ARHGAP18: variants seen among roughly 807,000 people sequenced by gnomAD.
ARHGAP18 encodes the protein rho GTPase-activating protein 18.
Under a neutral mutation model 86.2 loss-of-function variants are expected in ARHGAP18, and 67 were observed. The observed-to-expected ratio is 0.78, with a 90% CI of 0.64 to 0.95. ARHGAP18 has a LOEUF of 0.95. ARHGAP18 is among the 40% of genes least tolerant of loss of function. ARHGAP18 has a pLI of 0.00. For synonymous variants in ARHGAP18, 283 were observed against 280.4 expected, an observed-to-expected ratio of 1.01 and a Z score of -0.09; for missense variants, 691 against 780.4, an observed-to-expected ratio of 0.89 and a Z score of 1.37.
At chr6:129,639,645 T>C (rs1773404576) in intron 2 of ARHGAP18, among the ~76,000 whole-genome samples, 1 of 152,154 alleles carries the variant, frequency 6.6e-6, no homozygotes, top group Non-Finnish European at 1.5e-5. Context: ...TATATAAACT[T>C]CTTGACGGCA....
chr6:129,676,334 G>T (rs185262213), intron 1 of ARHGAP18, among the ~76,000 whole-genome samples: 4 of 152,264 alleles, frequency 2.6e-5, no homozygotes, highest in East Asian at 3.9e-4. Flanking sequence ...GTTGCAGAGG[G>T]GGGGCAACAG....
At position 129,634,068 on chromosome 6, in the gene ARHGAP18, T is replaced by C; in HGVS notation, c.590A>G (p.Asn197Ser). 1 of 1,613,164 alleles carries C rather than the reference T, an allele frequency of 6.2e-7. No individual in the cohort carries two copies. Among genetic ancestry groups the C allele is most frequent in the Non-Finnish European group, 8.5e-7 (1 of 1,179,780 alleles). Residue 197 changes from asparagine to serine, a missense_variant, in exon 4 of 15, where the codon AAT becomes AGT. Coordinates refer to ENST00000368149, the MANE Select transcript of ARHGAP18 (RefSeq NM_033515.3). ...ATCTCTTCCTTGGTATTTGTTTTCATTTGTTCTAAGTGACTGCGATTCAGT... is the reference window on the plus strand; with the variant it reads ...ATCTCTTCCTTGGTATTTGTTTTCACTTGTTCTAAGTGACTGCGATTCAGT... ...GGTESQSLRT[N>S]ENKYQGRDDE... is the part of the protein sequence containing the mutation.
intron 1 of ARHGAP18, among the ~76,000 whole-genome samples, chr6:129,688,816 A>C (rs997066010): frequency 1.3e-5 from 2 of 152,050 alleles, no homozygotes; most frequent in African/African-American, 4.8e-5. Context: ...ATGCCTTATC[A>C]TTGGTAGCTA....
At chr6:129,647,085 C>G (rs531797975) in intron 1 of ARHGAP18, among the ~76,000 whole-genome samples, 17 of 152,138 alleles carry the variant, frequency 1.1e-4, no homozygotes, top group African/African-American at 3.6e-4. Flanking sequence ...GGGACTTATT[C>G]CAATATATCC....
chr6:129,649,441 C>T (rs777217722), intron 1 of ARHGAP18, among the ~76,000 whole-genome samples: 1 of 150,718 alleles, frequency 6.6e-6, no homozygotes, highest in South Asian at 2.1e-4. Flanking sequence ...GTAGTCCCAG[C>T]TACTCTGGAG....
intron 12 of ARHGAP18, among the ~76,000 whole-genome samples, chr6:129,591,172 A>G (rs905281030): frequency 2.6e-5 from 4 of 152,226 alleles, no homozygotes; most frequent in African/African-American, 9.6e-5. Context: ...TACTAATTAC[A>G]TTGAGTTGCC....
intron 1 of ARHGAP18, among the ~76,000 whole-genome samples, chr6:129,695,382 T>TG (rs11415058): frequency 0.22 from 34,046 of 152,082 alleles, 4,103 homozygotes; most frequent in East Asian, 0.31. Flanking sequence ...CACACAATTT[T>TG]GAAACAGGGA....
intron 1 of ARHGAP18, among the ~76,000 whole-genome samples, chr6:129,668,378 A>ACT (rs554029345): frequency 3.3e-5 from 5 of 149,908 alleles, no homozygotes; most frequent in Non-Finnish European, 7.4e-5. Flanking sequence ...ACACACACAC[A>ACT]CACACACACA....
chr6:129,685,307 G>C (rs762178418), intron 1 of ARHGAP18, among the ~76,000 whole-genome samples: 1 of 152,132 alleles, frequency 6.6e-6, no homozygotes, highest in Non-Finnish European at 1.5e-5. Flanking sequence ...AAGAGTTCAA[G>C]ACCAGCCTGG....
At chr6:129,625,142 TTATATATTATATAG>T (rs1218488315) in intron 5 of ARHGAP18, among the ~76,000 whole-genome samples, 43 of 2,538 alleles carry the variant, frequency 0.017, 1 homozygote, top group East Asian at 0.081. Flanking sequence ...ATGATATATA[TTATATATTATATAG>T]ATATATATTA....
chr6:129,669,338 ATTT>A (rs541130530), intron 1 of ARHGAP18, among the ~76,000 whole-genome samples: 1 of 151,782 alleles, frequency 6.6e-6, no homozygotes, highest in Non-Finnish European at 1.5e-5. Flanking sequence ...TGCCAGGCTA[ATTT>A]TTTTGTATTT....
intron 2 of ARHGAP18, among the ~76,000 whole-genome samples, chr6:129,640,276 T>G (rs1263614991): frequency 6.6e-6 from 1 of 152,166 alleles, no homozygotes; most frequent in Admixed American, 6.5e-5. Flanking sequence ...TAGAAAACAT[T>G]CCCAATCTTC....
chr6:129,627,249 T>C (rs1789498726), intron 5 of ARHGAP18, among the ~76,000 whole-genome samples: 1 of 152,064 alleles, frequency 6.6e-6, no homozygotes, highest in Non-Finnish European at 1.5e-5. Context: ...AAAGTAAAAA[T>C]GACCACTTTC....
At chr6:129,606,774 C>T (rs77836532) in intron 9 of ARHGAP18, among the ~76,000 whole-genome samples, 3,378 of 152,086 alleles carry the variant, frequency 0.022, 97 homozygotes, top group African/African-American at 0.072. Context: ...TGTCATGATA[C>T]GAGATGACTC....
At chr6:129,692,696 G>C (rs1217764801) in intron 1 of ARHGAP18, among the ~76,000 whole-genome samples, 1 of 152,146 alleles carries the variant, frequency 6.6e-6, no homozygotes, top group African/African-American at 2.4e-5. Context: ...GGGACACCTT[G>C]GCCTGGAAAT....
chr6:129,673,438 C>G lies in ARHGAP18; in HGVS notation c.114-31420G>C, dbSNP rs184542839. The stretch of plus-strand genomic sequence containing the variant: ...GTTGTACAGCATTTTGGTTTCAAAC[C>G]AGGTTTATTTTAAAAGTGTTTTTTC... On this transcript the variant is annotated intron_variant, in intron 1 of 14. Transcript: ENST00000368149. Among the ~76,000 whole-genome samples, 426 of 151,654 alleles carry G rather than the reference C, an allele frequency of 2.8e-3. 4 individuals carry two copies. The highest frequency in any genetic ancestry group is 9.8e-3 in the African/African-American group (407 of 41,372).
intron 1 of ARHGAP18, among the ~76,000 whole-genome samples, chr6:129,669,194 C>G (rs865889055): frequency 6.7e-6 from 1 of 149,752 alleles, no homozygotes; most frequent in Non-Finnish European, 1.5e-5. Context: ...TTTCTTGAGA[C>G]GGAGTCTCGC....
At position 129,594,726 on chromosome 6, in the gene ARHGAP18, T is replaced by G. The variant is rs139823955; in HGVS notation, c.1713+4490A>C. Among the ~76,000 whole-genome samples the G allele has an allele frequency of 5.6e-3, 860 of 152,290 alleles. 10 individuals are homozygous for G. Among genetic ancestry groups the G allele is most frequent in the African/African-American group, 0.02 (814 of 41,564 alleles). ...CAAGTCATTCTAGATTCCCTTCTTCTTCCACATTCTTCACATCCAACCAGT... is the reference window on the plus strand; with the variant it reads ...CAAGTCATTCTAGATTCCCTTCTTCGTCCACATTCTTCACATCCAACCAGT... On this transcript the variant is annotated intron_variant, in intron 12 of 14. Coordinates refer to ENST00000368149, the MANE Select transcript of ARHGAP18 (RefSeq NM_033515.3).
At position 129,609,943 on chromosome 6, in the gene ARHGAP18, A is replaced by G. The variant is rs536864372; in HGVS notation, c.1122+1590T>C. On this transcript the variant is annotated intron_variant, in intron 8 of 14. Coordinates refer to ENST00000368149, the MANE Select transcript of ARHGAP18 (RefSeq NM_033515.3). ...AAAGAGTAATTCCAATCCTGGCAAC[A>G]CCACAGCCCATTAGAAGCAGGCCAG... Among the ~76,000 whole-genome samples, 5 of 152,326 alleles carry G rather than the reference A, an allele frequency of 3.3e-5. No individual in the cohort carries two copies. The South Asian group carries it at 6.2e-4, about 19-fold the overall frequency.
Sources: allele counts gnomAD v4.1 joint callset (sites outside exome capture counted in the v4.1 genomes callset), GRCh38; gene constraint gnomAD v4.1.1; transcripts MANE v1.5; gene names NCBI Gene and HGNC (gene_info 2026-07-23, HGNC 2026-07-21).